The following TTLL1 variants were observed in gnomAD, a reference collection of about 807,000 sequenced individuals.
TTLL1 encodes TTL family tubulin polyglutamylase complex subunit L1, also known as polyglutamylase complex subunit TTLL1.
Under a neutral mutation model 47.8 loss-of-function variants are expected in TTLL1, and 33 were observed. The observed-to-expected ratio is 0.69, with a 90% CI of 0.52 to 0.92. The LOEUF (loss-of-function observed/expected upper bound fraction) is 0.92. Ranked by LOEUF, TTLL1 falls within the 40% of genes least tolerant of loss-of-function variation. The pLI is 0.00. For missense variants in TTLL1, 488 were observed against 547.5 expected (o/e 0.89, Z 1.08); for synonymous variants, 225 against 214.1 (o/e 1.05, Z -0.45).
At chr22:43,061,497 A>G (rs914000991) in intron 7 of TTLL1, among the ~76,000 whole-genome samples, 2 of 152,254 alleles carry the variant, frequency 1.3e-5, no homozygotes, top group African/African-American at 4.8e-5. Flanking sequence ...TCAGAAATGC[A>G]TATTTCATAC....
chr22:43,075,683 A>C (rs893097969), intron 2 of TTLL1, 93 bp from the exon 3 acceptor site: 9 of 1,049,624 alleles, frequency 8.6e-6, no homozygotes, highest in Admixed American at 1.8e-5. Context: ...CCCATCCCAA[A>C]CTCGATCTTA....
At chr22:43,081,671 C>T (rs998728168) in intron 1 of TTLL1, among the ~76,000 whole-genome samples, 4 of 150,926 alleles carry the variant, frequency 2.7e-5, no homozygotes, top group Middle Eastern at 7.1e-3. Context: ...CCTCAGCCTC[C>T]CAAGTAGCTG....
chr22:43,065,911 A>G (rs905417115), intron 5 of TTLL1, among the ~76,000 whole-genome samples: 1 of 152,122 alleles, frequency 6.6e-6, no homozygotes, highest in Non-Finnish European at 1.5e-5. Flanking sequence ...CTGTAATCCC[A>G]GCACTTTGGG....
intron 10 of TTLL1, among the ~76,000 whole-genome samples, chr22:43,040,821 G>A (rs1569404824): frequency 6.6e-6 from 1 of 152,216 alleles, no homozygotes; most frequent in Non-Finnish European, 1.5e-5. Flanking sequence ...AGGCAGCAGT[G>A]TAGGAAACAG....
intron 8 of TTLL1, 101 bp downstream of exon 8, chr22:43,059,283 C>A (rs558286208): frequency 1.3e-6 from 2 of 1,486,804 alleles, no homozygotes; most frequent in Admixed American, 2.1e-5. Context: ...CGTGAGCCGC[C>A]GCGCACAGCT....
intron 9 of TTLL1, among the ~76,000 whole-genome samples, chr22:43,050,796 T>C (rs1222183773): frequency 6.6e-6 from 1 of 152,148 alleles, no homozygotes; most frequent in African/African-American, 2.4e-5. Flanking sequence ...GTGCTGGGAT[T>C]ACAGGAGTGA....
chr22:43,042,876 G>C lies in TTLL1; in HGVS notation c.1143-2971C>G, dbSNP rs144229137. On this transcript the variant is annotated intron_variant, in intron 10 of 10. Coordinates refer to ENST00000266254, the MANE Select transcript of TTLL1 (RefSeq NM_012263.5). ...AGGAGAGGACGGCTGGATCAGGGAG[G>C]GGGGTTCACCTTGTTGTCTCTTCAA... is the stretch of plus-strand genomic sequence containing the variant. Among the ~76,000 whole-genome samples, 336 of 152,212 alleles carry C rather than the reference G, an allele frequency of 2.2e-3. 3 individuals are homozygous for C. The highest frequency in any genetic ancestry group is 7.6e-3 in the African/African-American group (317 of 41,540).
At chr22:43,043,002 C>G (rs1480430843) in intron 10 of TTLL1, among the ~76,000 whole-genome samples, 2 of 149,324 alleles carry the variant, frequency 1.3e-5, no homozygotes, top group African/African-American at 5.0e-5. Context: ...TGCGGTGGCA[C>G]GATCTCGGCT....
chr22:43,087,664 C>T (rs368158866), intron 1 of TTLL1, among the ~76,000 whole-genome samples: 3 of 150,162 alleles, frequency 2.0e-5, no homozygotes, highest in East Asian at 1.9e-4. Context: ...ATGGTGAAAC[C>T]CTATCTCTAC....
In TTLL1 at chr22:43,046,484, G is replaced by T; in HGVS notation, c.1068C>A (p.Val356=). The change falls in exon 10 of 11, where the codon GTC becomes GTA. Residue 356 remains valine, a synonymous_variant. Coordinates refer to ENST00000266254, the MANE Select transcript of TTLL1 (RefSeq NM_012263.5). ...TGCAGTCTGGGATTTCACCATTCGGGACGGCGATGTTGAGGGTGTCATTAA... is the reference window on the plus strand; with the variant it reads ...TGCAGTCTGGGATTTCACCATTCGGTACGGCGATGTTGAGGGTGTCATTAA... The part of the protein sequence containing the change: ...NLINDTLNIA[V]PNGEIPDCKW... 1 of 1,614,106 alleles carries T rather than the reference G, an allele frequency of 6.2e-7. No homozygotes were observed. Among genetic ancestry groups the T allele is most frequent in the South Asian group, 1.1e-5 (1 of 91,082 alleles).
At chr22:43,065,591 AT>A (rs879865288) in intron 5 of TTLL1, among the ~76,000 whole-genome samples, 29 of 148,448 alleles carry the variant, frequency 2.0e-4, no homozygotes, top group Admixed American at 2.7e-4. Context: ...ACATGGCCAA[AT>A]TTTTTTTTTT....
chr22:43,053,811 G>A lies in TTLL1; in HGVS notation c.892-1924C>T, dbSNP rs528130488. Among the ~76,000 whole-genome samples the A allele has an allele frequency of 3.9e-5, 6 of 152,332 alleles. No individual in the cohort carries two copies. In the South Asian group the frequency reaches 1.2e-3, roughly 32 times the overall value. ...CAGTTCAGGAAACTGAGGCCCAGAA[G>A]GAGTCGTTCAGAGGCACCTGCCAGA... On this transcript the variant is annotated intron_variant, in intron 8 of 10. Transcript: ENST00000266254.
chr22:43,042,529 C>T (rs1362215381), intron 10 of TTLL1, among the ~76,000 whole-genome samples: 1 of 152,232 alleles, frequency 6.6e-6, no homozygotes, highest in Non-Finnish European at 1.5e-5. Flanking sequence ...GTGGCAGATG[C>T]AAAGTGCCAG....
In TTLL1 at chr22:43,042,174, C is replaced by T. The variant is rs184484947; in HGVS notation, c.1143-2269G>A. ...TCTGGTTCGTGGCTGCCCCCAGCAG[C>T]TTGCTCAAGGTCTGGTGGATAGGAA... On this transcript the variant is annotated intron_variant, in intron 10 of 10. Coordinates refer to ENST00000266254, the MANE Select transcript of TTLL1 (RefSeq NM_012263.5). Among the ~76,000 whole-genome samples the T allele has an allele frequency of 2.0e-3, 310 of 152,322 alleles. 2 individuals are homozygous for T. Among genetic ancestry groups the T allele is most frequent in the Middle Eastern group, 0.01 (3 of 294 alleles).
chr22:43,052,278 C>T (rs368779930), intron 8 of TTLL1: 10 of 228,248 alleles, frequency 4.4e-5, no homozygotes, highest in African/African-American at 1.5e-4. Flanking sequence ...CCAGGCTGCC[C>T]GTTACCCCTT....
At chr22:43,075,362 G>T in intron 3 of TTLL1, 112 bp downstream of exon 3, 1 of 856,034 alleles carries the variant, frequency 1.2e-6, no homozygotes, top group Non-Finnish European at 1.9e-6. Flanking sequence ...CGGGGAGATG[G>T]CACAATGACA....
At chr22:43,087,538 A>T (rs557009515) in intron 1 of TTLL1, among the ~76,000 whole-genome samples, 6 of 151,180 alleles carry the variant, frequency 4.0e-5, no homozygotes, top group African/African-American at 1.5e-4. Context: ...AAAAAAAAAA[A>T]AAGAAATACA....
intron 2 of TTLL1, among the ~76,000 whole-genome samples, chr22:43,078,389 A>G (rs1304702508): frequency 1.3e-5 from 2 of 152,092 alleles, no homozygotes; most frequent in East Asian, 1.9e-4. Flanking sequence ...CCAGCTACTC[A>G]GGAGGCTGAG....
At chr22:43,050,014 T>C (rs1161268332) in intron 9 of TTLL1, among the ~76,000 whole-genome samples, 1 of 152,048 alleles carries the variant, frequency 6.6e-6, no homozygotes, top group African/African-American at 2.4e-5. Context: ...GGAGAATTGC[T>C]TGAACCCGGG....
Sources: gnomAD v4.1 joint callset for allele counts (sites outside exome capture counted in the v4.1 genomes callset) on GRCh38, gnomAD v4.1.1 for gene constraint, MANE v1.5 for transcripts, NCBI Gene and HGNC (gene_info 2026-07-23, HGNC 2026-07-21) for gene names.